Variants in DIP2B observed in about 807,000 individuals in gnomAD.
The protein encoded by DIP2B is disco-interacting protein 2 homolog B.
Under a neutral mutation model 198.0 loss-of-function variants are expected in DIP2B, and 76 were observed. The observed-to-expected ratio is 0.38, with a 90% CI of 0.32 to 0.46. The LOEUF (loss-of-function observed/expected upper bound fraction) is 0.46. DIP2B is among the 20% of genes least tolerant of loss of function. The pLI, the probability that DIP2B is intolerant of heterozygous loss-of-function variation, is 0.99. For synonymous variants in DIP2B, 701 were observed against 739.1 expected, an observed-to-expected ratio of 0.95 and a Z score of 0.84; for missense variants, 1,559 against 1,978.4, an observed-to-expected ratio of 0.79 and a Z score of 4.02.
Position 50,731,360 on chromosome 12 carries a change from T to G in DIP2B, c.3642-9T>G. Reference sequence around the variant, plus strand: ...TTGATGATTCCAGCTCTTGTCTCTTTCACTGCAGTGTCTATTCAGGCCACC... The same window carrying G: ...TTGATGATTCCAGCTCTTGTCTCTTGCACTGCAGTGTCTATTCAGGCCACC... On this transcript the variant is annotated splice_polypyrimidine_tract_variant and intron_variant, in intron 30 of 37. Coordinates refer to ENST00000301180, the MANE Select transcript of DIP2B (RefSeq NM_173602.3). The G allele has an allele frequency of 1.2e-6, 2 of 1,611,576 alleles. No individual in the cohort carries two copies. Among genetic ancestry groups the G allele is most frequent in the South Asian group, 2.2e-5 (2 of 90,820 alleles).
rs771847790 is a variant in DIP2B, at chr12:50,706,615, T to C, written c.2484T>C (p.Ile828=). The part of the protein sequence containing the change: ...VSGRRHNADD[I]VATGLAVESI... ...GTCGAAGACATAATGCTGATGACAT[T>C]GTTGCTACTGGATTGGCTGTAGAAT... The change falls in exon 21 of 38, where the codon ATT becomes ATC. Residue 828 remains isoleucine, a synonymous_variant. Coordinates refer to ENST00000301180, the MANE Select transcript of DIP2B (RefSeq NM_173602.3). 2 of 1,614,118 alleles carry C rather than the reference T, an allele frequency of 1.2e-6. No individual in the cohort carries two copies. Among genetic ancestry groups the C allele is most frequent in the Non-Finnish European group, 8.5e-7 (1 of 1,179,994 alleles).
At position 50,732,347 on chromosome 12, in the gene DIP2B, A is replaced by T. The variant is rs567074074; in HGVS notation, c.3811-19A>T. On this transcript the variant is annotated intron_variant, in intron 31 of 37. Transcript: ENST00000301180. Reference sequence around the variant, plus strand: ...TTATGATCCTACTGACTTGGCTCCCATATAATGGTGTCTTGCAGACCAGAG... The same window carrying T: ...TTATGATCCTACTGACTTGGCTCCCTTATAATGGTGTCTTGCAGACCAGAG... 8.7e-6 allele frequency: 14 copies of T among 1,613,870 alleles called. No individual in the cohort carries two copies. The South Asian group carries it at 1.5e-4, about 18-fold the overall frequency.
At chr12:50,525,436 A>C (rs1202295953) in intron 1 of DIP2B, among the ~76,000 whole-genome samples, 1 of 151,086 alleles carries the variant, frequency 6.6e-6, no homozygotes, top group African/African-American at 2.4e-5. Context: ...TCATCATGAG[A>C]TGATACTTTG....
chr12:50,705,050 G>C (rs1939490196), intron 20 of DIP2B, among the ~76,000 whole-genome samples: 2 of 152,082 alleles, frequency 1.3e-5, no homozygotes, highest in South Asian at 4.1e-4. Context: ...TGTTCTCAAA[G>C]AGCTCACAGT....
intron 1 of DIP2B, among the ~76,000 whole-genome samples, chr12:50,570,650 C>G (rs992388235): frequency 6.6e-6 from 1 of 152,220 alleles, no homozygotes; most frequent in Admixed American, 6.5e-5. Context: ...GCAGAAGTTA[C>G]AATGAGCCGA....
chr12:50,605,573 A>G (rs1007616214), intron 1 of DIP2B, among the ~76,000 whole-genome samples: 10 of 152,200 alleles, frequency 6.6e-5, no homozygotes, highest in Non-Finnish European at 1.0e-4. Context: ...CAAAATAAAA[A>G]GAAATCCCAT....
At chr12:50,568,488 C>CA (rs1958585357) in intron 1 of DIP2B, among the ~76,000 whole-genome samples, 1 of 152,134 alleles carries the variant, frequency 6.6e-6, no homozygotes, top group Non-Finnish European at 1.5e-5. Flanking sequence ...GAGCAGTATA[C>CA]GGGAATTTCT....
chr12:50,707,317 G>C (rs1939531355), intron 21 of DIP2B, among the ~76,000 whole-genome samples: 1 of 152,050 alleles, frequency 6.6e-6, no homozygotes, highest in Non-Finnish European at 1.5e-5. Flanking sequence ...GAAATGTATA[G>C]TTTTTTTTGT....
chr12:50,515,418 A>G (rs1177122699), intron 1 of DIP2B, among the ~76,000 whole-genome samples: 1 of 151,958 alleles, frequency 6.6e-6, no homozygotes. Flanking sequence ...TTTAGTAGAG[A>G]TGGGGTTTCA....
chr12:50,646,797 A>G (rs1938358757), intron 3 of DIP2B, among the ~76,000 whole-genome samples: 1 of 152,064 alleles, frequency 6.6e-6, no homozygotes, highest in Non-Finnish European at 1.5e-5. Context: ...ATGCAGTACT[A>G]ACTCGCTTTG....
At chr12:50,666,407 G>A (rs954307561) in intron 4 of DIP2B, among the ~76,000 whole-genome samples, 4 of 152,112 alleles carry the variant, frequency 2.6e-5, no homozygotes, top group African/African-American at 9.7e-5. Flanking sequence ...AGACATATCA[G>A]TTAGATAACC....
At chr12:50,609,679 A>G (rs903601410) in intron 1 of DIP2B, among the ~76,000 whole-genome samples, 2 of 152,216 alleles carry the variant, frequency 1.3e-5, no homozygotes, top group South Asian at 2.1e-4. Context: ...GTACCTACCT[A>G]TGAGGGGACT....
At chr12:50,639,403 C>T (rs980227249) in intron 2 of DIP2B, among the ~76,000 whole-genome samples, 2 of 152,108 alleles carry the variant, frequency 1.3e-5, no homozygotes, top group African/African-American at 4.8e-5. Flanking sequence ...GATGGCTGGG[C>T]TCAGCCGGAA....
chr12:50,706,214 A>G (rs1429911833), intron 20 of DIP2B, among the ~76,000 whole-genome samples: 1 of 152,222 alleles, frequency 6.6e-6, no homozygotes, highest in Non-Finnish European at 1.5e-5. Context: ...TAAGCAAACT[A>G]ACACATAAAT....
At chr12:50,594,615 A>G (rs1443706698) in intron 1 of DIP2B, among the ~76,000 whole-genome samples, 4 of 152,218 alleles carry the variant, frequency 2.6e-5, no homozygotes, top group Non-Finnish European at 5.9e-5. Context: ...GGACTTACAT[A>G]ACAGTATACT....
intron 1 of DIP2B, among the ~76,000 whole-genome samples, chr12:50,542,061 G>A (rs1338480431): frequency 1.3e-5 from 2 of 150,928 alleles, no homozygotes; most frequent in Admixed American, 6.6e-5. Flanking sequence ...GGGAGGCTGA[G>A]GTGGGCGGAT....
At chr12:50,592,885 T>G (rs1958831879) in intron 1 of DIP2B, among the ~76,000 whole-genome samples, 1 of 152,156 alleles carries the variant, frequency 6.6e-6, no homozygotes, top group African/African-American at 2.4e-5. Flanking sequence ...TAAATGTTGG[T>G]TTTCTTCCTT....
At chr12:50,723,748 GA>G (rs969645744) in intron 27 of DIP2B, among the ~76,000 whole-genome samples, 144 of 143,064 alleles carry the variant, frequency 1.0e-3, no homozygotes, top group Admixed American at 2.4e-3. Flanking sequence ...GTCGCCAAAA[GA>G]AAAAAAAAAA....
intron 13 of DIP2B, among the ~76,000 whole-genome samples, chr12:50,691,409 T>C (rs948215179): frequency 6.6e-6 from 1 of 152,210 alleles, no homozygotes. Flanking sequence ...ATCCTGTTTT[T>C]GTTAGCTGTG....
Sources: gnomAD v4.1 joint callset for allele counts (sites outside exome capture counted in the v4.1 genomes callset) on GRCh38, gnomAD v4.1.1 for gene constraint, MANE v1.5 for transcripts, NCBI Gene and HGNC (gene_info 2026-07-23, HGNC 2026-07-21) for gene names.